Variants in METTL21A observed in about 807,000 individuals in gnomAD.
The protein encoded by METTL21A is protein N-lysine methyltransferase METTL21A.
In METTL21A, 22 loss-of-function variants were observed where a neutral mutation model predicts 20.9. The observed-to-expected ratio is 1.05, with a 90% confidence interval of 0.75 to 1.50. The LOEUF (loss-of-function observed/expected upper bound fraction) is 1.50. METTL21A is among the 40% of genes most tolerant of loss of function. METTL21A has a pLI of 0.00. For missense variants in METTL21A, 271 were observed against 266.8 expected (o/e 1.02, Z -0.11); for synonymous variants, 93 against 102.0 (o/e 0.91, Z 0.53).
At chr2:207,592,042 A>C (rs1449905588) in intron 3 of METTL21A, among the ~76,000 whole-genome samples, 1 of 152,216 alleles carries the variant, frequency 6.6e-6, no homozygotes, top group Non-Finnish European at 1.5e-5. Flanking sequence ...TCTGGCAATG[A>C]ATTCCCTCTA....
At chr2:207,608,043 C>T (rs2088415328), downstream of METTL21A, among the ~76,000 whole-genome samples, 1 of 152,054 alleles carries the variant, frequency 6.6e-6, no homozygotes, top group Non-Finnish European at 1.5e-5. Flanking sequence ...TGGCTGATGG[C>T]TCCCAACTGA....
intron 1 of METTL21A, chr2:207,625,185 TA>T (rs1180243924): frequency 6.6e-6 from 1 of 152,060 alleles, no homozygotes; most frequent in Non-Finnish European, 1.5e-5. Context: ...CCCCAGGCCA[TA>T]CGGGGCGCCG....
chr2:207,593,585 G>A (rs1032504751), intron 3 of METTL21A, among the ~76,000 whole-genome samples: 1 of 152,080 alleles, frequency 6.6e-6, no homozygotes, highest in African/African-American at 2.4e-5. Flanking sequence ...GTTACATGAG[G>A]ATGAAGACAT....
chr2:207,587,096 T>C (rs888402625), intron 3 of METTL21A, among the ~76,000 whole-genome samples: 3 of 152,162 alleles, frequency 2.0e-5, no homozygotes, highest in African/African-American at 7.2e-5. Flanking sequence ...TGGAGGTTTC[T>C]CAAAAAAACT....
At chr2:207,616,279 T>C (rs2089725798) in intron 3 of METTL21A, among the ~76,000 whole-genome samples, 1 of 152,230 alleles carries the variant, frequency 6.6e-6, no homozygotes, top group African/African-American at 2.4e-5. Context: ...GCAGGCAATA[T>C]TGGAGTGACT....
downstream of METTL21A, chr2:207,581,291 A>G (rs997980575): frequency 5.1e-6 from 1 of 197,440 alleles, no homozygotes; most frequent in African/African-American, 2.3e-5. Flanking sequence ...AAAATTCTAA[A>G]AAAATTAAAA....
exon 3 of METTL21A, chr2:207,621,871 C>A: frequency 6.2e-7 from 1 of 1,614,202 alleles, no homozygotes; most frequent in Admixed American, 1.7e-5. Flanking sequence ...AGAGCGGCCC[C>A]TGAGCTCCAC....
chr2:207,603,159 TTTTAA>T (rs1316108932), intron 3 of METTL21A: 1 of 211,008 alleles, frequency 4.7e-6, no homozygotes. Flanking sequence ...AACATCCCTG[TTTTAA>T]TTTTTTTATC....
At chr2:207,608,523 A>T (rs754998568), downstream of METTL21A, among the ~76,000 whole-genome samples, 6 of 152,114 alleles carry the variant, frequency 3.9e-5, no homozygotes, top group Non-Finnish European at 7.3e-5. Context: ...AAACAACCCA[A>T]TAACAGCTTA....
upstream of METTL21A, chr2:207,625,541 T>C (rs1169983379): frequency 6.6e-6 from 1 of 152,122 alleles, no homozygotes; most frequent in African/African-American, 2.4e-5. Flanking sequence ...GACGACTTAA[T>C]CCGTTTCCCC....
At position 207,613,118 on chromosome 2, in the gene METTL21A, C is replaced by G. The variant is rs769539818; in HGVS notation, c.585G>C (p.Lys195Asn). 4.3e-6 allele frequency: 7 copies of G among 1,611,178 alleles called. No individual in the cohort carries two copies. The East Asian group carries it at 8.9e-5, about 21-fold the overall frequency. ...CATCTTTTTCAGGATCGTAGTGAAC[C>G]TTTCTCACAGTAAATTGCCTCTCCA... Residue 195 changes from lysine (K) to asparagine (N), a missense_variant, in exon 4 of 4, where the codon AAG becomes AAC. Coordinates refer to ENST00000406927, the Ensembl canonical transcript of METTL21A.
At chr2:207,620,853 G>A in intron 3 of METTL21A, 1 of 598,682 alleles carries the variant, frequency 1.7e-6, no homozygotes, top group Non-Finnish European at 2.8e-6. Flanking sequence ...GGACAAAAGA[G>A]GGGCTTTAGC....
intron 3 of METTL21A, chr2:207,601,882 G>C (rs1482854445): frequency 4.6e-6 from 1 of 215,056 alleles, no homozygotes; most frequent in Non-Finnish European, 9.4e-6. Flanking sequence ...CATACATCTT[G>C]AATATTCTTA....
At chr2:207,613,476 A>G in intron 3 of METTL21A, 33 bp from the exon 4 acceptor site, 2 of 1,532,300 alleles carry the variant, frequency 1.3e-6, no homozygotes, top group Non-Finnish European at 1.7e-6. Flanking sequence ...AGTGATGTGT[A>G]CATCAGTACA....
At chr2:207,613,955 G>A (rs925946315) in intron 3 of METTL21A, among the ~76,000 whole-genome samples, 2 of 152,042 alleles carry the variant, frequency 1.3e-5, no homozygotes, top group East Asian at 1.9e-4. Flanking sequence ...TGGGTGACAA[G>A]AGCAAAACTC....
At chr2:207,624,621 A>G (rs1250687387) in intron 1 of METTL21A, 2 of 389,774 alleles carry the variant, frequency 5.1e-6, no homozygotes, top group Admixed American at 4.6e-5. Flanking sequence ...GGAAGAAGAA[A>G]AAAAAAGCCC....
chr2:207,622,161 AT>A (rs11326646), intron 2 of METTL21A, among the ~76,000 whole-genome samples: 34,257 of 122,228 alleles, frequency 0.28, 3,669 homozygotes, highest in South Asian at 0.42. Context: ...GGAAAGCTTA[AT>A]TTTTTTTTTT....
chr2:207,619,027 G>C (rs949163731), intron 3 of METTL21A, among the ~76,000 whole-genome samples: 1 of 152,110 alleles, frequency 6.6e-6, no homozygotes, highest in African/African-American at 2.4e-5. Context: ...GCTATAAGTA[G>C]GTAAGGCCTA....
At chr2:207,589,974 CCTTCT>C (rs2084658121) in intron 3 of METTL21A, among the ~76,000 whole-genome samples, 1 of 151,998 alleles carries the variant, frequency 6.6e-6, no homozygotes, top group Admixed American at 6.6e-5. Flanking sequence ...TCTTCCCTTC[CCTTCT>C]CTTTTTCTGG....
Sources: allele counts gnomAD v4.1 joint callset (sites outside exome capture counted in the v4.1 genomes callset), GRCh38; gene constraint gnomAD v4.1.1; transcripts MANE v1.5; gene names NCBI Gene and HGNC (gene_info 2026-07-23, HGNC 2026-07-21).